Variants in FHL2 observed in about 807,000 individuals in gnomAD.
FHL2 encodes the protein four and a half LIM domains 2, also known as four and a half LIM domains protein 2.
In FHL2, 20 loss-of-function variants were observed where a neutral mutation model predicts 32.7. The observed-to-expected ratio is 0.61, with a 90% confidence interval of 0.43 to 0.89. The LOEUF is 0.89. FHL2 is among the 40% of genes least tolerant of loss of function. The pLI, the probability that FHL2 is intolerant of heterozygous loss-of-function variation, is 0.00. For synonymous variants in FHL2, 123 were observed against 128.1 expected (o/e 0.96, Z 0.27); for missense variants, 311 against 358.6 (o/e 0.87, Z 1.07).
chr2:105,365,426 G>T (rs1680558455), intron 5 of FHL2, among the ~76,000 whole-genome samples: 1 of 152,200 alleles, frequency 6.6e-6, no homozygotes, highest in East Asian at 1.9e-4. Flanking sequence ...ATCCCAGAAG[G>T]ATGTGTTGCT....
chr2:105,415,132 G>T (rs1683896853), intron 1 of FHL2, among the ~76,000 whole-genome samples: 1 of 152,216 alleles, frequency 6.6e-6, no homozygotes, highest in Non-Finnish European at 1.5e-5. Context: ...ATAGGTAGGG[G>T]CAGAGTCAAG....
At chr2:105,401,689 T>C (rs1440795389), upstream of FHL2, among the ~76,000 whole-genome samples, 1 of 152,218 alleles carries the variant, frequency 6.6e-6, no homozygotes, top group Non-Finnish European at 1.5e-5. Flanking sequence ...TTTAGAATTA[T>C]TTACATATGC....
At chr2:105,430,350 G>A (rs1386594982) in intron 1 of FHL2, among the ~76,000 whole-genome samples, 1 of 152,146 alleles carries the variant, frequency 6.6e-6, no homozygotes, top group African/African-American at 2.4e-5. Flanking sequence ...AGAGAAGCCA[G>A]AACCACTCTT....
chr2:105,419,928 T>C (rs1385495104), intron 1 of FHL2, among the ~76,000 whole-genome samples: 2 of 152,202 alleles, frequency 1.3e-5, no homozygotes, highest in East Asian at 3.8e-4. Flanking sequence ...CCAGTATGAC[T>C]GAACATGCAT....
chr2:105,358,235 G>T (rs1680091473), downstream of FHL2: 1 of 152,226 alleles, frequency 6.6e-6, no homozygotes, highest in Non-Finnish European at 1.5e-5. Context: ...CCAAATACCA[G>T]TCCCCTTGGG....
chr2:105,396,790 G>T, intron 1 of FHL2, 93 bp from the exon 2 acceptor site: 2 of 1,117,510 alleles, frequency 1.8e-6, no homozygotes, highest in Non-Finnish European at 2.7e-6. Flanking sequence ...AATAAATGTG[G>T]CTTTGATCAA....
chr2:105,432,338 T>C (rs1684462590), intron 1 of FHL2, among the ~76,000 whole-genome samples: 1 of 152,230 alleles, frequency 6.6e-6, no homozygotes, highest in African/African-American at 2.4e-5. Flanking sequence ...TTACACTCGC[T>C]ATTATTTTTT....
In FHL2 at chr2:105,432,271, A is replaced by G. The variant is rs191499277; in HGVS notation, c.-25+6128T>C. 3.3e-5 allele frequency among the ~76,000 whole-genome samples: 5 copies of G among 152,324 alleles called. No homozygotes were observed. In the East Asian group the frequency reaches 9.6e-4, roughly 29 times the overall value. ...GCATTTTCAATTTGCAGGAGTAGAGAAACAGGGACCTAAAAGGAGTTTGTC... is the reference window on the plus strand; with the variant it reads ...GCATTTTCAATTTGCAGGAGTAGAGGAACAGGGACCTAAAAGGAGTTTGTC... On this transcript the variant is annotated intron_variant, in intron 1 of 5. Coordinates refer to the FHL2 transcript ENST00000393352.
At chr2:105,395,291 G>A (rs1177544818) in intron 2 of FHL2, among the ~76,000 whole-genome samples, 4 of 152,236 alleles carry the variant, frequency 2.6e-5, no homozygotes, top group Non-Finnish European at 4.4e-5. Flanking sequence ...CCAGTGTGGG[G>A]ACCAAGGGAG....
At chr2:105,403,339 A>G (rs4585050), upstream of FHL2, among the ~76,000 whole-genome samples, 110,012 of 152,152 alleles carry the variant, frequency 0.72, 40,005 homozygotes, top group African/African-American at 0.8. Flanking sequence ...ATAAAAACAA[A>G]AAGTACTATT....
At chr2:105,432,748 A>G (rs1284247727) in intron 1 of FHL2, among the ~76,000 whole-genome samples, 2 of 152,218 alleles carry the variant, frequency 1.3e-5, no homozygotes, top group Non-Finnish European at 1.5e-5. Context: ...AAATTAGTAA[A>G]TGGAAGCTTT....
chr2:105,435,305 T>C (rs1411011158), intron 1 of FHL2, among the ~76,000 whole-genome samples: 1 of 152,240 alleles, frequency 6.6e-6, no homozygotes, highest in Non-Finnish European at 1.5e-5. Flanking sequence ...AATGTTTTCA[T>C]ATAACCCATT....
chr2:105,408,979 G>A (rs1683714624), intron 1 of FHL2, among the ~76,000 whole-genome samples: 1 of 152,190 alleles, frequency 6.6e-6, no homozygotes, highest in African/African-American at 2.4e-5. Context: ...AGCCAAGGCA[G>A]CACCAGGTCA....
intron 1 of FHL2, among the ~76,000 whole-genome samples, chr2:105,419,039 G>A (rs1684021723): frequency 6.6e-6 from 1 of 152,056 alleles, no homozygotes; most frequent in South Asian, 2.1e-4. Context: ...TGTAATATTT[G>A]TATACAAGTA....
At chr2:105,410,952 G>T (rs865871375) in intron 1 of FHL2, among the ~76,000 whole-genome samples, 2 of 152,200 alleles carry the variant, frequency 1.3e-5, no homozygotes, top group Non-Finnish European at 2.9e-5. Flanking sequence ...GATGCCTTGG[G>T]ACCAGTACAT....
chr2:105,361,187 G>A lies in FHL2; in HGVS notation c.*96C>T. 7.8e-7 allele frequency: 1 copy of A among 1,284,314 alleles called. No homozygotes were observed. Among genetic ancestry groups the A allele is most frequent in the East Asian group, 2.3e-5 (1 of 43,020 alleles). The allele number at this position is 1,284,314 out of a possible 1,614,324, so 79.6% of individuals were successfully genotyped here. The stretch of plus-strand genomic sequence containing the variant: ...AAGCACTAGAAGAAAGTCTCAATGT[G>A]GCTGGAAGAAACCAGAAGGCAAGAT... On this transcript the variant is annotated 3_prime_UTR_variant, in exon 7 of 7. Transcript: ENST00000530340.
chr2:105,387,822 A>G (rs1317454103), intron 2 of FHL2, among the ~76,000 whole-genome samples: 1 of 152,190 alleles, frequency 6.6e-6, no homozygotes, highest in Non-Finnish European at 1.5e-5. Context: ...TCATTGCAGC[A>G]CTCTTCACAA....
intron 3 of FHL2, 162 bp downstream of exon 3, chr2:105,386,199 A>G (rs1045658627): frequency 2.9e-6 from 2 of 680,450 alleles, no homozygotes; most frequent in Non-Finnish European, 4.8e-6. Context: ...CACATTCGCT[A>G]GAGGGAAGAA....
intron 1 of FHL2, among the ~76,000 whole-genome samples, chr2:105,424,297 C>T (rs935744383): frequency 6.6e-6 from 1 of 152,188 alleles, no homozygotes; most frequent in Non-Finnish European, 1.5e-5. Flanking sequence ...CACTGGCCAT[C>T]AGAGAAACGC....
Sources: allele counts gnomAD v4.1 joint callset (sites outside exome capture counted in the v4.1 genomes callset), GRCh38; gene constraint gnomAD v4.1.1; transcripts MANE v1.5; gene names NCBI Gene and HGNC (gene_info 2026-07-23, HGNC 2026-07-21).